LIMA1: variants seen among roughly 807,000 people sequenced by gnomAD.
LIMA1 encodes LIM domain and actin binding 1.
A neutral mutation model predicts 62.6 loss-of-function variants in LIMA1; 52 were observed. The observed-to-expected ratio is 0.83, with a 90% CI of 0.67 to 1.05. The LOEUF is 1.05. LIMA1 is among the 50% of genes least tolerant of loss of function. The pLI is 0.00. For missense variants in LIMA1, 780 were observed against 902.2 expected, an observed-to-expected ratio of 0.86 and a Z score of 1.74; for synonymous variants, 302 against 317.8, an observed-to-expected ratio of 0.95 and a Z score of 0.53.
At chr12:50,223,174 T>G (rs932758535) in intron 3 of LIMA1, among the ~76,000 whole-genome samples, 4 of 152,096 alleles carry the variant, frequency 2.6e-5, no homozygotes, top group Non-Finnish European at 5.9e-5. Flanking sequence ...CTCTACAAGT[T>G]TATCTGTGTA....
At chr12:50,274,118 G>A (rs1170342928) in intron 1 of LIMA1, among the ~76,000 whole-genome samples, 7 of 152,066 alleles carry the variant, frequency 4.6e-5, no homozygotes, top group African/African-American at 7.2e-5. Flanking sequence ...CAGATGGACC[G>A]ACCTCAGCTG....
At chr12:50,265,177 A>G (rs902905259) in intron 1 of LIMA1, among the ~76,000 whole-genome samples, 2 of 151,802 alleles carry the variant, frequency 1.3e-5, no homozygotes, top group African/African-American at 4.8e-5. Flanking sequence ...CAAAAATGTT[A>G]CATTTGCTTC....
chr12:50,229,864 T>C (rs1040577546), intron 3 of LIMA1: 2 of 152,192 alleles, frequency 1.3e-5, no homozygotes, highest in African/African-American at 4.8e-5. Flanking sequence ...CCTGAGGACA[T>C]CCGCACAAGC....
chr12:50,214,181 A>G (rs1419729918), intron 4 of LIMA1, among the ~76,000 whole-genome samples: 4 of 152,252 alleles, frequency 2.6e-5, no homozygotes, highest in Non-Finnish European at 5.9e-5. Context: ...CATTTTTGAA[A>G]TGACAAGAGA....
chr12:50,206,224 C>A (rs1445127959), intron 4 of LIMA1, among the ~76,000 whole-genome samples, 156 bp from the exon 5 acceptor site: 1 of 152,262 alleles, frequency 6.6e-6, no homozygotes, highest in Admixed American at 6.5e-5. Context: ...TCAAGCACTA[C>A]ACATTCACAG....
chr12:50,280,720 G>A (rs180782966), intron 1 of LIMA1, among the ~76,000 whole-genome samples: 1 of 152,146 alleles, frequency 6.6e-6, no homozygotes, highest in African/African-American at 2.4e-5. Context: ...TCATCAGTAT[G>A]GTCCTACCTT....
chr12:50,280,171 T>TTTC (rs1942323116), intron 1 of LIMA1, among the ~76,000 whole-genome samples: 4 of 142,274 alleles, frequency 2.8e-5, no homozygotes, highest in Non-Finnish European at 6.0e-5. Context: ...TTTTTTTTTT[T>TTTC]TGAGACGGAG....
At chr12:50,187,714 G>A (rs1940661410) in intron 9 of LIMA1, 1 of 152,212 alleles carries the variant, frequency 6.6e-6, no homozygotes, top group South Asian at 2.1e-4. Context: ...GGGCAGTGCA[G>A]TGTGTGCTGC....
At chr12:50,248,601 G>C in intron 2 of LIMA1, 32 bp downstream of exon 2, 1 of 1,318,558 alleles carries the variant, frequency 7.6e-7, no homozygotes, top group Non-Finnish European at 1.1e-6. Flanking sequence ...GCTCCAGACA[G>C]ATGGTCCTTT....
chr12:50,235,124 G>C (rs1202465565), intron 2 of LIMA1, among the ~76,000 whole-genome samples: 1 of 151,912 alleles, frequency 6.6e-6, no homozygotes, highest in African/African-American at 2.4e-5. Context: ...TTTTAGTATA[G>C]GGTCACGCTA....
chr12:50,227,237 CTTTTTTTTTTTT>C (rs199650468), intron 3 of LIMA1, among the ~76,000 whole-genome samples: 3 of 123,992 alleles, frequency 2.4e-5, no homozygotes, highest in African/African-American at 9.3e-5. Flanking sequence ...TTTTTCTTTT[CTTTTTTTTTTTT>C]TTTTTTTGAG....
In LIMA1 at chr12:50,200,889, A is replaced by G. The variant is rs890519014; in HGVS notation, c.865-5T>C. On this transcript the variant is annotated splice_region_variant and splice_polypyrimidine_tract_variant and intron_variant, in intron 6 of 10. Transcript: ENST00000341247. ...ACCACTGGCTTTCAGCTCATTCTAC[A>G]AAATAAAAATAACTGTAAAAATTTT... 1.2e-6 allele frequency: 2 copies of G among 1,611,626 alleles called. No homozygotes were observed. Among genetic ancestry groups the G allele is most frequent in the Non-Finnish European group, 1.7e-6 (2 of 1,179,380 alleles).
chr12:50,272,749 T>A (rs1270852789), intron 1 of LIMA1, among the ~76,000 whole-genome samples: 1 of 151,662 alleles, frequency 6.6e-6, no homozygotes. Context: ...AGGTATCTTA[T>A]TAAGAATTGG....
At chr12:50,222,649 C>G (rs1346694627) in intron 3 of LIMA1, 164 bp from the exon 4 acceptor site, 1 of 1,528,952 alleles carries the variant, frequency 6.5e-7, no homozygotes, top group Admixed American at 2.0e-5. Flanking sequence ...AAAGCATCCA[C>G]CCGGCAGAGG....
At chr12:50,208,830 A>G (rs1941200978) in intron 4 of LIMA1, among the ~76,000 whole-genome samples, 1 of 151,504 alleles carries the variant, frequency 6.6e-6, no homozygotes, top group Non-Finnish European at 1.5e-5. Flanking sequence ...CAACATAGGA[A>G]GACTCCATCT....
intron 2 of LIMA1, among the ~76,000 whole-genome samples, chr12:50,247,477 C>A (rs946337286): frequency 2.6e-5 from 4 of 152,148 alleles, no homozygotes; most frequent in African/African-American, 7.2e-5. Context: ...CAGCATCAAC[C>A]GCCTGACTTG....
intron 7 of LIMA1, among the ~76,000 whole-genome samples, chr12:50,199,313 A>G (rs1940994265): frequency 6.6e-6 from 1 of 152,202 alleles, no homozygotes; most frequent in South Asian, 2.1e-4. Context: ...CCTGGGTGAC[A>G]GAGCGAGACT....
chr12:50,223,143 CTTTT>C (rs199546604), intron 3 of LIMA1, among the ~76,000 whole-genome samples: 1 of 149,546 alleles, frequency 6.7e-6, no homozygotes, highest in Non-Finnish European at 1.5e-5. Flanking sequence ...AGAATTTAAT[CTTTT>C]TTTTTTCCCT....
chr12:50,220,735 T>A (rs1941426475), intron 4 of LIMA1, among the ~76,000 whole-genome samples: 1 of 152,132 alleles, frequency 6.6e-6, no homozygotes, highest in South Asian at 2.1e-4. Context: ...ATAAAACAAA[T>A]TTTTAAATTA....
Sources: gnomAD v4.1 joint callset for allele counts (sites outside exome capture counted in the v4.1 genomes callset) on GRCh38, gnomAD v4.1.1 for gene constraint, MANE v1.5 for transcripts, NCBI Gene and HGNC (gene_info 2026-07-23, HGNC 2026-07-21) for gene names.